SHISA9: variants seen among roughly 807,000 people sequenced by gnomAD.
SHISA9 encodes the protein protein shisa-9.
Under a neutral mutation model 38.0 loss-of-function variants are expected in SHISA9, and 13 were observed. The observed-to-expected ratio is 0.34, with a 90% CI of 0.22 to 0.54. The LOEUF (loss-of-function observed/expected upper bound fraction) is 0.54. Among genes scored for constraint, SHISA9 ranks in the 20% least tolerant of loss-of-function variants. SHISA9 has a pLI of 0.91. For missense variants in SHISA9, 538 were observed against 575.8 expected, an observed-to-expected ratio of 0.93 and a Z score of 0.67; for synonymous variants, 275 against 242.0, an observed-to-expected ratio of 1.14 and a Z score of -1.27.
the SHISA9 span, among the ~76,000 whole-genome samples, chr16:13,307,261 G>A: frequency 4.5e-4 from 68 of 152,274 alleles, no homozygotes; most frequent in African/African-American, 1.5e-3. Flanking sequence ...CCTGGCACAT[G>A]GCAATCATTA....
chr16:13,377,349 C>T, the SHISA9 span, among the ~76,000 whole-genome samples: 1 of 152,174 alleles, frequency 6.6e-6, no homozygotes, highest in Non-Finnish European at 1.5e-5. Flanking sequence ...CTGGTAAATC[C>T]CAGTTCTTTT....
intron 2 of SHISA9, among the ~76,000 whole-genome samples, chr16:13,092,926 C>A (rs2073790120): frequency 6.6e-6 from 1 of 152,138 alleles, no homozygotes; most frequent in African/African-American, 2.4e-5. Flanking sequence ...AGCTGCAGAC[C>A]AGAGCTGTTC....
At chr16:13,363,016 G>C in the SHISA9 span, among the ~76,000 whole-genome samples, 2 of 152,142 alleles carry the variant, frequency 1.3e-5, no homozygotes, top group Non-Finnish European at 2.9e-5. Flanking sequence ...TATCCCTTTG[G>C]GAAGTAGAGC....
chr16:13,555,435 A>T, the SHISA9 span, among the ~76,000 whole-genome samples: 1 of 152,240 alleles, frequency 6.6e-6, no homozygotes, highest in South Asian at 2.1e-4. Context: ...CCGAAATGTG[A>T]GAACATTTGG....
At chr16:13,352,297 T>C in the SHISA9 span, among the ~76,000 whole-genome samples, 1 of 152,220 alleles carries the variant, frequency 6.6e-6, no homozygotes. Context: ...AAACAGTTTC[T>C]TTTGATATGA....
chr16:13,335,886 T>G, the SHISA9 span, among the ~76,000 whole-genome samples: 1 of 152,196 alleles, frequency 6.6e-6, no homozygotes, highest in Non-Finnish European at 1.5e-5. Flanking sequence ...GGAGACATAT[T>G]ATCAACCAAA....
chr16:13,124,896 T>C (rs1238040406), intron 2 of SHISA9, among the ~76,000 whole-genome samples: 1 of 152,162 alleles, frequency 6.6e-6, no homozygotes, highest in Non-Finnish European at 1.5e-5. Context: ...AAAATAGTAC[T>C]GGGAAAACTG....
intron 2 of SHISA9, among the ~76,000 whole-genome samples, chr16:13,121,156 T>C (rs532293848): frequency 1.2e-4 from 18 of 152,100 alleles, no homozygotes; most frequent in African/African-American, 4.3e-4. Flanking sequence ...GGAGACCCCC[T>C]GTCTCAAAAA....
chr16:13,133,996 C>T lies in SHISA9; in HGVS notation c.692-69398C>T, dbSNP rs181063425. On this transcript the variant is annotated intron_variant, in intron 2 of 4. Coordinates refer to ENST00000558583, the MANE Select transcript of SHISA9 (RefSeq NM_001145204.3). The stretch of plus-strand genomic sequence containing the variant: ...TTTCCTACTGACAATGTACTCTATG[C>T]CTGCACTAGGAGCAGACTCTACAAT... Among the ~76,000 whole-genome samples, 460 of 152,302 alleles carry T rather than the reference C, an allele frequency of 3.0e-3. 2 individuals are homozygous for T. The highest frequency in any genetic ancestry group is 4.9e-3 in the Non-Finnish European group (336 of 68,014).
the SHISA9 span, among the ~76,000 whole-genome samples, chr16:13,484,079 G>A: frequency 2.0e-5 from 3 of 152,094 alleles, no homozygotes; most frequent in African/African-American, 7.2e-5. Flanking sequence ...GTCAATCAGT[G>A]GCATCTGATG....
chr16:12,957,673 C>G (rs2071854068), intron 2 of SHISA9, among the ~76,000 whole-genome samples: 1 of 152,154 alleles, frequency 6.6e-6, no homozygotes, highest in Non-Finnish European at 1.5e-5. Flanking sequence ...CATAAACATT[C>G]AGTCTATGAC....
intron 2 of SHISA9, among the ~76,000 whole-genome samples, chr16:13,112,137 A>C (rs2073984823): frequency 1.3e-5 from 2 of 152,102 alleles, no homozygotes; most frequent in South Asian, 4.1e-4. Context: ...TTTTTAAAGG[A>C]GATGGACTAG....
chr16:13,549,264 G>C, the SHISA9 span, among the ~76,000 whole-genome samples: 1 of 152,166 alleles, frequency 6.6e-6, no homozygotes, highest in African/African-American at 2.4e-5. Context: ...TACAAAGTTA[G>C]ATAGGAGGAA....
chr16:12,921,198 G>A (rs1181965161), intron 2 of SHISA9, among the ~76,000 whole-genome samples: 1 of 152,208 alleles, frequency 6.6e-6, no homozygotes, highest in East Asian at 1.9e-4. Context: ...GATTTAGTTT[G>A]CAGCATAACC....
rs2142092688 is a variant in SHISA9, at chr16:13,237,527, G to T, written c.*2118G>T. On this transcript the variant is annotated 3_prime_UTR_variant, in exon 5 of 5. Transcript: ENST00000558583. ...AAAATACAAACATTAGCTGGGCATG[G>T]TGGTGGGTGCCTGTAATCCCAACTA... is the stretch of plus-strand genomic sequence containing the variant. 1 of 152,084 alleles carries T rather than the reference G, an allele frequency of 6.6e-6. No homozygotes were observed. The highest frequency in any genetic ancestry group is 2.4e-5 in the African/African-American group (1 of 41,466). The allele number at this position is 152,084 out of a possible 1,614,324, so 9.4% of individuals were successfully genotyped here. A position where few individuals can be genotyped will look rare whatever the true frequency, so the allele number is the denominator to read the frequency against.
the SHISA9 span, among the ~76,000 whole-genome samples, chr16:13,419,911 T>G: frequency 2.0e-5 from 3 of 152,182 alleles, no homozygotes; most frequent in Non-Finnish European, 4.4e-5. Flanking sequence ...TAGTGAAATC[T>G]ACACTGCGTT....
At chr16:13,176,590 C>T (rs148326902) in intron 2 of SHISA9, among the ~76,000 whole-genome samples, 44 of 152,316 alleles carry the variant, frequency 2.9e-4, no homozygotes, top group Middle Eastern at 3.4e-3. Flanking sequence ...CCCAGGAACA[C>T]GGACCCACAG....
the SHISA9 span, among the ~76,000 whole-genome samples, chr16:13,487,205 C>G: frequency 6.6e-6 from 1 of 152,190 alleles, no homozygotes; most frequent in Non-Finnish European, 1.5e-5. Flanking sequence ...GCTCAAGTTG[C>G]ATATGTGAAA....
rs190077870 is a variant in SHISA9 at position 13,020,504 on chromosome 16, T to C, written c.691+103689T>C. ...TGTTAGTTTGCTAAAGATAATGGCC[T>C]CCAGCTCCATCCATGGTGTCTCTTC... On this transcript the variant is annotated intron_variant, in intron 2 of 4. Transcript: ENST00000558583. 1.9e-3 allele frequency among the ~76,000 whole-genome samples: 292 copies of C among 152,316 alleles called. 4 individuals carry two copies. The highest frequency in any genetic ancestry group is 8.7e-3 in the South Asian group (42 of 4,826).
Sources: gnomAD v4.1 joint callset for allele counts (sites outside exome capture counted in the v4.1 genomes callset) on GRCh38, gnomAD v4.1.1 for gene constraint, MANE v1.5 for transcripts, NCBI Gene and HGNC (gene_info 2026-07-23, HGNC 2026-07-21) for gene names.